LLGL1: variants seen among roughly 807,000 people sequenced by gnomAD.
The protein encoded by LLGL1 is lethal(2) giant larvae protein homolog 1.
A neutral mutation model predicts 110.6 loss-of-function variants in LLGL1; 58 were observed. That is an observed-to-expected ratio of 0.52 (90% confidence interval 0.42 to 0.65). The LOEUF is 0.65. Among genes scored for constraint, LLGL1 ranks in the 30% least tolerant of loss-of-function variants. The probability of loss-of-function intolerance (pLI) is 0.00; values close to 1 mark genes in which losing one functional copy is unlikely to be tolerated. For missense variants in LLGL1, 1,229 were observed against 1,462.1 expected, an observed-to-expected ratio of 0.84 and a Z score of 2.60; for synonymous variants, 674 against 607.2, an observed-to-expected ratio of 1.11 and a Z score of -1.62.
intron 20 of LLGL1, 50 bp from the exon 21 acceptor site, chr17:18,242,458 G>A (rs1342525399): frequency 2.5e-6 from 4 of 1,609,418 alleles, no homozygotes; most frequent in South Asian, 1.1e-5. Context: ...GCCCCCAGGT[G>A]CAGAGGGTGC....
At chr17:18,241,210 A>C (rs2047823524) in intron 17 of LLGL1, 3 of 611,548 alleles carry the variant, frequency 4.9e-6, no homozygotes, top group Non-Finnish European at 8.5e-6. Flanking sequence ...TACCAGCTGC[A>C]TAACCTTGGC....
chr17:18,233,446 G>C (rs913327277), intron 4 of LLGL1, among the ~76,000 whole-genome samples: 1 of 152,082 alleles, frequency 6.6e-6, no homozygotes, highest in Non-Finnish European at 1.5e-5. Flanking sequence ...CGCTGGCAGC[G>C]GGATTCCTAG....
intron 7 of LLGL1, 22 bp from the exon 8 acceptor site, chr17:18,234,627 C>A: frequency 1.2e-6 from 2 of 1,613,964 alleles, no homozygotes; most frequent in Non-Finnish European, 1.7e-6. Flanking sequence ...TGAGTCTGGT[C>A]TGACGCTGTC....
rs2142750164 is a variant in LLGL1 at position 18,244,034 on chromosome 17, G to T, written c.*128G>T. 1 of 152,598 alleles carries T rather than the reference G, an allele frequency of 6.6e-6. No individual in the cohort carries two copies. Among genetic ancestry groups the T allele is most frequent in the South Asian group, 2.1e-4 (1 of 4,830 alleles). The allele number at this position is 152,598 out of a possible 1,614,324, so 9.5% of individuals were successfully genotyped here. ...CCTGTAGGCTCCACTGGGACCTGCT[G>T]TCCTGTCCCGCCTGACCCTGGGCCC... On this transcript the variant is annotated 3_prime_UTR_variant, in exon 23 of 23. Transcript: ENST00000316843.
intron 4 of LLGL1, 99 bp downstream of exon 4, chr17:18,232,901 G>A: frequency 1.3e-6 from 2 of 1,500,534 alleles, no homozygotes; most frequent in South Asian, 1.2e-5. Flanking sequence ...ATGGGCAGCG[G>A]TTCAGGGCGG....
intron 11 of LLGL1, chr17:18,235,902 TCCTGC>T: frequency 3.8e-6 from 1 of 264,318 alleles, no homozygotes; most frequent in Non-Finnish European, 7.3e-6. Flanking sequence ...GGTCTCAACT[TCCTGC>T]CCTGCCCCCA....
chr17:18,243,410 A>G (rs1454566650), intron 22 of LLGL1, among the ~76,000 whole-genome samples: 1 of 152,192 alleles, frequency 6.6e-6, no homozygotes, highest in East Asian at 1.9e-4. Flanking sequence ...CCCGGCCAAC[A>G]AGACCAGATT....
rs975352517 is a variant in LLGL1, at chr17:18,241,057, C to T, written c.2502+184C>T. 3.5e-5 allele frequency: 23 copies of T among 657,904 alleles called. No individual in the cohort carries two copies. In the African/African-American group the frequency reaches 4.2e-4, roughly 12 times the overall value. 40.8% of individuals were successfully genotyped at this position (657,904 alleles called of 1,614,324 possible). A position where few individuals can be genotyped will look rare whatever the true frequency, so the allele number is the denominator to read the frequency against. On this transcript the variant is annotated intron_variant, in intron 17 of 22. Transcript: ENST00000316843. The stretch of plus-strand genomic sequence containing the variant: ...AACTCCTACCCAAGAACCCTGATGC[C>T]CCCTCAGCCTGCTGAGTTCCCCTGG...
chr17:18,242,508 A>T lies in LLGL1; in HGVS notation c.2996A>T (p.Asp999Val). 1 of 1,613,916 alleles carries T rather than the reference A, an allele frequency of 6.2e-7. No individual in the cohort carries two copies. Among genetic ancestry groups the T allele is most frequent in the Middle Eastern group, 1.7e-4 (1 of 6,060 alleles). ...SPDPAHSMGPDTPEPPEAALS... is the reference protein window; with the variant it reads ...SPDPAHSMGPVTPEPPEAALS... Reference sequence around the variant, plus strand: ...GGGGCTGATGACTTGCTCCCTGTAGACACCCCGGAGCCACCCGAGGCTGCA... The same window carrying T: ...GGGGCTGATGACTTGCTCCCTGTAGTCACCCCGGAGCCACCCGAGGCTGCA... The change falls in exon 21 of 23, where the codon GAC becomes GTC. Residue 999 changes from aspartate to valine, a missense_variant and splice_region_variant. Physicochemically the swap from Asp to Val is radical, Grantham distance 152. Transcript: ENST00000316843.
At chr17:18,242,692 C>T (rs1221719169) in intron 21 of LLGL1, 51 bp from the exon 22 acceptor site, 18 of 1,564,622 alleles carry the variant, frequency 1.2e-5, no homozygotes, top group Non-Finnish European at 1.5e-5. Context: ...GTCCCCAGGG[C>T]TGCCAGGGGC....
intron 1 of LLGL1, among the ~76,000 whole-genome samples, chr17:18,226,442 G>A (rs1372135641): frequency 2.0e-5 from 3 of 152,180 alleles, no homozygotes; most frequent in African/African-American, 7.2e-5. Flanking sequence ...TGTGGGGGGT[G>A]CGGCTGGGAA....
Position 18,234,314 on chromosome 17 carries a change from G to C in LLGL1, c.756G>C (p.Val252=). The part of the protein sequence containing the change: ...SLCWGRDSST[V]VSSHSDGSYA... ...GCTGGGGGCGTGATAGCAGCACTGT[G>C]GTCAGCTCACACAGCGATGGCAGCT... Residue 252 remains valine, a synonymous_variant, in exon 7 of 23, where the codon GTG becomes GTC. Transcript: ENST00000316843. 6.2e-7 allele frequency: 1 copy of C among 1,610,872 alleles called. No individual in the cohort carries two copies. The highest frequency in any genetic ancestry group is 8.5e-7 in the Non-Finnish European group (1 of 1,178,850).
chr17:18,233,942 A>G lies in LLGL1; in HGVS notation c.551+6A>G. The G allele has an allele frequency of 3.1e-6, 5 of 1,610,060 alleles. No homozygotes were observed. Among genetic ancestry groups the G allele is most frequent in the Non-Finnish European group, 4.2e-6 (5 of 1,178,552 alleles). On this transcript the variant is annotated splice_donor_region_variant and intron_variant, in intron 5 of 22. Coordinates refer to ENST00000316843, the MANE Select transcript of LLGL1 (RefSeq NM_004140.4). ...CCAGGCGAGGTTCTGCGCAGGTAAG[A>G]GGCCGGTGGGCTTCCCAGCACCCAC...
At position 18,244,457 on chromosome 17, in the gene LLGL1, A is replaced by T. The variant is rs1020849358; in HGVS notation, c.*551A>T. Reference sequence around the variant, plus strand: ...ATGGGGTTTCACCATGTTAGCCAGGATGGTCTCGATCTCCTGACCTCGTGA... The same window carrying T: ...ATGGGGTTTCACCATGTTAGCCAGGTTGGTCTCGATCTCCTGACCTCGTGA... On this transcript the variant is annotated 3_prime_UTR_variant, in exon 23 of 23. Coordinates refer to ENST00000316843, the MANE Select transcript of LLGL1 (RefSeq NM_004140.4). 2.0e-5 allele frequency: 3 copies of T among 151,640 alleles called. No homozygotes were observed. Among genetic ancestry groups the T allele is most frequent in the Admixed American group, 6.6e-5 (1 of 15,214 alleles). The allele number at this position is 151,640 out of a possible 1,614,324, so 9.4% of individuals were successfully genotyped here.
intron 16 of LLGL1, among the ~76,000 whole-genome samples, chr17:18,239,523 G>C (rs972889398): frequency 1.3e-5 from 2 of 151,972 alleles, no homozygotes; most frequent in Non-Finnish European, 2.9e-5. Flanking sequence ...TTTTTGCCGG[G>C]GTATTTTAAA....
rs1278511131 is a variant in LLGL1, at chr17:18,240,124, A to G, written c.2207-454A>G. ...AAGACAGTGGGGGTGAAGCAGGGCTAAGACAAGGCACACCTGTCGACAGGA... is the reference window on the plus strand; with the variant it reads ...AAGACAGTGGGGGTGAAGCAGGGCTGAGACAAGGCACACCTGTCGACAGGA... On this transcript the variant is annotated intron_variant, in intron 16 of 22. Transcript: ENST00000316843. The surrounding 1 kb of genome is among the most constrained non-coding windows in gnomAD (Gnocchi z 5.3). 1.3e-5 allele frequency among the ~76,000 whole-genome samples: 2 copies of G among 152,124 alleles called. No individual in the cohort carries two copies. Among genetic ancestry groups the G allele is most frequent in the Non-Finnish European group, 2.9e-5 (2 of 67,992 alleles).
intron 1 of LLGL1, among the ~76,000 whole-genome samples, chr17:18,229,329 G>A (rs956143563): frequency 1.3e-5 from 2 of 152,162 alleles, no homozygotes; most frequent in Admixed American, 1.3e-4. Flanking sequence ...TGGCAGGTGG[G>A]GAGGTGGGAG....
In LLGL1 at chr17:18,240,084, G is replaced by GC. The variant is rs1330704117; in HGVS notation, c.2207-494_2207-493insC. Among the ~76,000 whole-genome samples the GC allele has an allele frequency of 6.6e-6, 1 of 152,086 alleles. No individual in the cohort carries two copies. The highest frequency in any genetic ancestry group is 2.4e-5 in the African/African-American group (1 of 41,398). On this transcript the variant is annotated intron_variant, in intron 16 of 22. Transcript: ENST00000316843. The surrounding 1 kb of genome is among the most constrained non-coding windows in gnomAD (Gnocchi z 5.3). ...CTTGGCGGCTTCCTCTGGCTGCCAC[G>GC]TAGGGAGCACACTGAAGACAGTGGG...
At chr17:18,242,331 A>G in intron 20 of LLGL1, 53 bp downstream of exon 20, 2 of 1,563,264 alleles carry the variant, frequency 1.3e-6, no homozygotes, top group Non-Finnish European at 1.8e-6. Flanking sequence ...GCCCTGGGGG[A>G]GGGAGTCGGG....
Sources: allele counts gnomAD v4.1 joint callset (sites outside exome capture counted in the v4.1 genomes callset), GRCh38; gene constraint gnomAD v4.1.1; non-coding constraint Gnocchi (gnomAD v3.1); transcripts MANE v1.5; gene names NCBI Gene and HGNC (gene_info 2026-07-23, HGNC 2026-07-21).